PTPRT: variants seen among roughly 807,000 people sequenced by gnomAD.
PTPRT encodes the protein receptor-type tyrosine-protein phosphatase T.
Under a neutral mutation model 176.8 loss-of-function variants are expected in PTPRT, and 56 were observed. That is an observed-to-expected ratio of 0.32 (90% confidence interval 0.26 to 0.40). The LOEUF (loss-of-function observed/expected upper bound fraction) is 0.40. PTPRT is among the 10% of genes least tolerant of loss of function. The pLI, the probability that PTPRT is intolerant of heterozygous loss-of-function variation, is 1.00. For missense variants in PTPRT, 1,540 were observed against 1,908.2 expected, an observed-to-expected ratio of 0.81 and a Z score of 3.60; for synonymous variants, 783 against 739.0, an observed-to-expected ratio of 1.06 and a Z score of -0.96.
intron 22 of PTPRT, among the ~76,000 whole-genome samples, chr20:42,113,512 C>T (rs1482114309): frequency 6.6e-6 from 1 of 152,212 alleles, no homozygotes; most frequent in Non-Finnish European, 1.5e-5. Flanking sequence ...GGAGGTTACC[C>T]CTCAGTGGAT....
intron 7 of PTPRT, among the ~76,000 whole-genome samples, chr20:42,548,692 A>T (rs2072716890): frequency 6.6e-6 from 1 of 152,194 alleles, no homozygotes; most frequent in African/African-American, 2.4e-5. Flanking sequence ...GATTGGGAAA[A>T]GATACTTGTG....
chr20:43,071,611 C>A (rs2011181434), intron 1 of PTPRT, among the ~76,000 whole-genome samples: 1 of 151,852 alleles, frequency 6.6e-6, no homozygotes, highest in Non-Finnish European at 1.5e-5. Context: ...CATGGAGAAA[C>A]CCCGTCTCTA....
In PTPRT at chr20:42,141,919, T is replaced by C; in HGVS notation, c.2766A>G (p.Ile922Met). The C allele has an allele frequency of 6.2e-7, 1 of 1,613,806 alleles. No homozygotes were observed. The highest frequency in any genetic ancestry group is 1.1e-5 in the South Asian group (1 of 91,070). ...NRNKNRYGNI[I>M]SYDHSRVRLL... ...AGCTCCCAGAAGGGCACCTACAGGA[T>C]ATGATGTTCCCATATCGATTCTTAT... is the stretch of plus-strand genomic sequence containing the variant. Residue 922 changes from isoleucine to methionine, a missense_variant, in exon 18 of 31, where the codon ATA becomes ATG. By Grantham distance (10) the Ile-to-Met change is conservative (BLOSUM62 1). Around this residue, in one of 11 missense-constraint regions of PTPRT, gnomAD observed 248 missense variants for 356.7 expected, o/e 0.70. Coordinates refer to ENST00000373187, the MANE Select transcript of PTPRT (RefSeq NM_007050.6).
intron 23 of PTPRT, among the ~76,000 whole-genome samples, chr20:42,108,490 A>G (rs1167009331): frequency 6.6e-6 from 1 of 152,248 alleles, no homozygotes; most frequent in African/African-American, 2.4e-5. Flanking sequence ...CACAATATGT[A>G]TAAATTGGAT....
rs146227148 is a variant in PTPRT, at chr20:42,448,292, C to T, written c.1488G>A (p.Gly496=). 42 of 1,613,058 alleles carry T rather than the reference C, an allele frequency of 2.6e-5. No individual in the cohort carries two copies. Among genetic ancestry groups the T allele is most frequent in the Non-Finnish European group, 3.1e-5 (37 of 1,179,352 alleles). The change falls in exon 9 of 31, where the codon GGG becomes GGA. Residue 496 remains glycine (G), a synonymous_variant. Coordinates refer to ENST00000373187, the MANE Select transcript of PTPRT (RefSeq NM_007050.6). The stretch of plus-strand genomic sequence containing the variant: ...GGATGTAGATCTTCTCCTCAAAGGG[C>T]CCCCCTTGGATGGATTCTAGAGGAA... ...GAVPLESIQG[G]PFEEKIYIQW...
In PTPRT at chr20:42,885,826, C is replaced by T. The variant is rs1466668122; in HGVS notation, c.195G>A (p.Leu65=). Residue 65 remains leucine, a synonymous_variant, in exon 2 of 31, where the codon CTG becomes CTA. Coordinates refer to ENST00000373187, the MANE Select transcript of PTPRT (RefSeq NM_007050.6). ...ACATACCTGTGGGCACTGCCTGGTC[C>T]AGCATTGGTTTCTCCCATGTGTTAA... The part of the protein sequence containing the change: ...EQINTWEKPM[L]DQAVPTGSFM... 3 of 1,608,504 alleles carry T rather than the reference C, an allele frequency of 1.9e-6. No homozygotes were observed. The highest frequency in any genetic ancestry group is 2.6e-6 in the Non-Finnish European group (3 of 1,176,438).
chr20:42,068,062 T>G (rs1263094280), downstream of PTPRT, among the ~76,000 whole-genome samples: 1 of 152,158 alleles, frequency 6.6e-6, no homozygotes. Flanking sequence ...AAGAACTGCC[T>G]TCAGAGGAAA....
At chr20:42,272,716 TGC>T (rs57462488) in intron 13 of PTPRT, among the ~76,000 whole-genome samples, 2,166 of 115,094 alleles carry the variant, frequency 0.019, 41 homozygotes, top group African/African-American at 0.064. Context: ...CACACACACG[TGC>T]GCGCACACAC....
intron 1 of PTPRT, among the ~76,000 whole-genome samples, chr20:42,926,238 G>C (rs1411712537): frequency 6.6e-6 from 1 of 152,144 alleles, no homozygotes; most frequent in Non-Finnish European, 1.5e-5. Flanking sequence ...ACTTAGCCTT[G>C]CTCTGATGTC....
chr20:42,664,069 T>C (rs982898909), intron 7 of PTPRT, among the ~76,000 whole-genome samples: 12 of 152,236 alleles, frequency 7.9e-5, no homozygotes, highest in African/African-American at 2.7e-4. Flanking sequence ...TCCTTACCAA[T>C]ACTGCTTATT....
At chr20:42,632,715 T>G (rs889924649) in intron 7 of PTPRT, among the ~76,000 whole-genome samples, 3 of 150,782 alleles carry the variant, frequency 2.0e-5, no homozygotes, top group Non-Finnish European at 4.4e-5. Context: ...AATATATATC[T>G]TTTACTATAT....
Position 43,189,749 on chromosome 20 carries a change from C to T in PTPRT, c.-16G>A. The T allele has an allele frequency of 8.4e-7, 1 of 1,191,382 alleles. No individual in the cohort carries two copies. Among genetic ancestry groups the T allele is most frequent in the South Asian group, 3.6e-5 (1 of 27,428 alleles). The allele number at this position is 1,191,382 out of a possible 1,614,324, so 73.8% of individuals were successfully genotyped here. A position where few individuals can be genotyped will look rare whatever the true frequency, so the allele number is the denominator to read the frequency against. ...GGCTCGCCATCCGGGCGGCGGCGGG[C>T]AGCTCAGCCCCTTCCCGCGGGGGCC... On this transcript the variant is annotated 5_prime_UTR_variant, in exon 1 of 31. Coordinates refer to ENST00000373187, the MANE Select transcript of PTPRT (RefSeq NM_007050.6). The surrounding 1 kb of genome is among the most constrained non-coding windows in gnomAD (Gnocchi z 5.0).
chr20:42,554,194 A>G (rs977731752), intron 7 of PTPRT, among the ~76,000 whole-genome samples: 1 of 152,218 alleles, frequency 6.6e-6, no homozygotes, highest in East Asian at 1.9e-4. Context: ...TATGCCATTC[A>G]GGGGCATCCT....
intron 1 of PTPRT, among the ~76,000 whole-genome samples, chr20:42,975,767 G>A (rs1982909354): frequency 1.3e-5 from 2 of 152,122 alleles, no homozygotes; most frequent in South Asian, 4.1e-4. Context: ...GAAATCCCAA[G>A]GCAATCAGCA....
In PTPRT at chr20:42,493,741, TG is replaced by T. The variant is rs201261824; in HGVS notation, c.1154-21180del. 3.8e-3 allele frequency among the ~76,000 whole-genome samples: 572 copies of T among 152,258 alleles called. 5 individuals are homozygous for T. The highest frequency in any genetic ancestry group is 0.013 in the African/African-American group (541 of 41,546). ...TAACCACATCCATCCAAAAGTTTTT[TG>T]GTTGACCCCTGGGACTTCAGAAAGA... is the stretch of plus-strand genomic sequence containing the variant. On this transcript the variant is annotated intron_variant, in intron 7 of 30. Transcript: ENST00000373187.
chr20:42,128,834 C>T lies in PTPRT; in HGVS notation c.2771-4G>A. 6.2e-7 allele frequency: 1 copy of T among 1,600,678 alleles called. No homozygotes were observed. The highest frequency in any genetic ancestry group is 8.5e-7 in the Non-Finnish European group (1 of 1,172,984). ...AGCCTCACCCGGGAATGGTCGTCTG[C>T]AGAGAGAGCAGAAATCAAGGGGATG... On this transcript the variant is annotated splice_polypyrimidine_tract_variant and splice_region_variant and intron_variant, in intron 18 of 30. Transcript: ENST00000373187.
chr20:42,594,556 C>T (rs2073637100), intron 7 of PTPRT, among the ~76,000 whole-genome samples: 1 of 152,156 alleles, frequency 6.6e-6, no homozygotes, highest in African/African-American at 2.4e-5. Context: ...ATATAATATA[C>T]ATACACCTCT....
intron 18 of PTPRT, among the ~76,000 whole-genome samples, chr20:42,139,774 C>T (rs1988538224): frequency 6.6e-6 from 1 of 152,260 alleles, no homozygotes; most frequent in African/African-American, 2.4e-5. Flanking sequence ...GTCCACAGTG[C>T]AGGAGCAGAG....
At chr20:42,918,296 C>A (rs972695271) in intron 1 of PTPRT, among the ~76,000 whole-genome samples, 1 of 152,204 alleles carries the variant, frequency 6.6e-6, no homozygotes, top group African/African-American at 2.4e-5. Context: ...CCCCCCATCT[C>A]CAGGTAACAG....
Sources: allele counts gnomAD v4.1 joint callset (sites outside exome capture counted in the v4.1 genomes callset), GRCh38; gene constraint gnomAD v4.1.1; regional missense constraint gnomAD v4.1.1; non-coding constraint Gnocchi (gnomAD v3.1); transcripts MANE v1.5; gene names NCBI Gene and HGNC (gene_info 2026-07-23, HGNC 2026-07-21).